SRBD1: variants seen among roughly 807,000 people sequenced by gnomAD.
SRBD1 encodes the protein S1 RNA-binding domain-containing protein 1.
Under a neutral mutation model 115.3 loss-of-function variants are expected in SRBD1, and 88 were observed. That is an observed-to-expected ratio of 0.76 (90% confidence interval 0.64 to 0.91). The LOEUF (loss-of-function observed/expected upper bound fraction) is 0.91. Among genes scored for constraint, SRBD1 ranks in the 40% least tolerant of loss-of-function variants. The pLI is 0.00. For synonymous variants in SRBD1, 509 were observed against 407.7 expected (o/e 1.25, Z -2.99); for missense variants, 1,385 against 1,177.4 (o/e 1.18, Z -2.58).
At chr2:45,398,852 G>A (rs1033184229) in intron 19 of SRBD1, among the ~76,000 whole-genome samples, 1 of 152,030 alleles carries the variant, frequency 6.6e-6, no homozygotes, top group South Asian at 2.1e-4. Context: ...GCTTTATACT[G>A]TGTAATTATC....
At chr2:45,458,179 G>A (rs1464134797) in intron 16 of SRBD1, among the ~76,000 whole-genome samples, 3 of 152,026 alleles carry the variant, frequency 2.0e-5, no homozygotes, top group Admixed American at 6.6e-5. Context: ...AGCTTTTAAG[G>A]GGATTTTTCT....
intron 15 of SRBD1, among the ~76,000 whole-genome samples, chr2:45,477,511 C>A (rs1558421373): frequency 6.6e-6 from 1 of 152,036 alleles, no homozygotes; most frequent in East Asian, 1.9e-4. Flanking sequence ...GAACTCGATC[C>A]CCCAAATAAT....
At chr2:45,596,988 T>C (rs1422989826) in intron 4 of SRBD1, among the ~76,000 whole-genome samples, 2 of 140,974 alleles carry the variant, frequency 1.4e-5, no homozygotes, top group African/African-American at 2.6e-5. Flanking sequence ...CCCACAACCC[T>C]CACACACACA....
chr2:45,517,302 G>GT (rs1446264931), intron 14 of SRBD1, among the ~76,000 whole-genome samples: 2 of 152,024 alleles, frequency 1.3e-5, no homozygotes, highest in Non-Finnish European at 2.9e-5. Flanking sequence ...CTCTGTTCCT[G>GT]TTTTTACGAC....
intron 18 of SRBD1, among the ~76,000 whole-genome samples, chr2:45,415,396 ATGTATATACACACATATAGTGTGTATATG>A (rs369129013): frequency 0.041 from 4,037 of 98,726 alleles, 320 homozygotes; most frequent in African/African-American, 0.098. Flanking sequence ...TGTATATAGT[ATGTATATACACACATATAGTGTGTATATG>A]TGTATATACA....
rs1039597580 is a variant in SRBD1, at chr2:45,393,192, T to C, written c.2514-63A>G. The C allele has an allele frequency of 7.5e-6, 11 of 1,468,642 alleles. No individual in the cohort carries two copies. In the African/African-American group the frequency reaches 1.1e-4, roughly 15 times the overall value. 91.0% of individuals were successfully genotyped at this position (1,468,642 alleles called of 1,614,324 possible). On this transcript the variant is annotated intron_variant, in intron 19 of 20. Coordinates refer to ENST00000263736, the MANE Select transcript of SRBD1 (RefSeq NM_018079.5). The stretch of plus-strand genomic sequence containing the variant: ...TATTACTCCTTTTGCAATCTCCTTA[T>C]ACAGATCACCCTAAAATTCATTCAT...
In SRBD1 at chr2:45,389,369, C is replaced by T. The variant is rs1228399237; in HGVS notation, c.2929G>A (p.Val977Ile). 4 of 1,614,066 alleles carry T rather than the reference C, an allele frequency of 2.5e-6. No homozygotes were observed. In the Admixed American group the frequency reaches 6.7e-5, roughly 27 times the overall value. The change falls in exon 21 of 21, where the codon GTA becomes ATA. Residue 977 changes from valine (V) to isoleucine (I), a missense_variant. By Grantham distance (29) the Val-to-Ile change is conservative (BLOSUM62 3). Transcript: ENST00000263736. ...LGPGERVEVQVLNIDIPRSRI... is the reference protein window; with the variant it reads ...LGPGERVEVQILNIDIPRSRI... ...GATCGGGGGATGTCAATGTTGAGTA[C>T]TTGGACTTCCACTCTTTCTCCGGGG...
At chr2:45,477,158 G>A (rs1669828470) in intron 15 of SRBD1, 83 bp from the exon 16 acceptor site, 8 of 1,113,068 alleles carry the variant, frequency 7.2e-6, no homozygotes, top group Admixed American at 3.8e-5. Flanking sequence ...TTCTCATAAT[G>A]TAAGTACTTA....
chr2:45,450,007 G>A (rs1332750456), intron 16 of SRBD1, among the ~76,000 whole-genome samples: 1 of 152,092 alleles, frequency 6.6e-6, no homozygotes, highest in Non-Finnish European at 1.5e-5. Flanking sequence ...AGGGTTAATG[G>A]CTCCATATAA....
chr2:45,486,042 CAGCTAGACTTTGAAATTAG>C (rs1572692365), intron 15 of SRBD1, among the ~76,000 whole-genome samples: 2 of 152,312 alleles, frequency 1.3e-5, no homozygotes, highest in East Asian at 1.9e-4. Flanking sequence ...ACTGATGACA[CAGCTAGACTTTGAAATTAG>C]AGTAATTAGA....
chr2:45,571,352 G>GGA (rs1673002353), intron 9 of SRBD1, among the ~76,000 whole-genome samples: 2 of 151,554 alleles, frequency 1.3e-5, no homozygotes, highest in South Asian at 4.2e-4. Context: ...AGCTAACAAG[G>GGA]GAGACCTCAG....
intron 9 of SRBD1, among the ~76,000 whole-genome samples, chr2:45,568,209 G>A (rs115290704): frequency 1.1e-3 from 174 of 152,156 alleles, no homozygotes; most frequent in African/African-American, 4.0e-3. Context: ...TCACACTAAG[G>A]ACCAATTTGA....
At position 45,588,421 on chromosome 2, in the gene SRBD1, T is replaced by C. The variant is rs973872656; in HGVS notation, c.649-2647A>G. 9.8e-5 allele frequency among the ~76,000 whole-genome samples: 15 copies of C among 152,332 alleles called. 1 individual carries two copies. In the Middle Eastern group the frequency reaches 0.017, roughly 173 times the overall value. ...TTAGAAATACTCCTGTTGCTTGTTA[T>C]CTTCCCTGACCCTCACAAAATCAAC... On this transcript the variant is annotated intron_variant, in intron 4 of 20. Coordinates refer to ENST00000263736, the MANE Select transcript of SRBD1 (RefSeq NM_018079.5).
intron 4 of SRBD1, among the ~76,000 whole-genome samples, chr2:45,586,522 T>A (rs2104201453): frequency 1.3e-5 from 2 of 152,270 alleles, no homozygotes; most frequent in South Asian, 2.1e-4. Flanking sequence ...AAATACAACA[T>A]CTTCAAGCTA....
intron 14 of SRBD1, among the ~76,000 whole-genome samples, chr2:45,536,650 C>T (rs1231580510): frequency 6.6e-6 from 1 of 151,946 alleles, no homozygotes; most frequent in Non-Finnish European, 1.5e-5. Flanking sequence ...AACTTTTTTC[C>T]AAGGAATATG....
chr2:45,504,805 T>A (rs945982474), intron 14 of SRBD1, among the ~76,000 whole-genome samples: 4 of 152,128 alleles, frequency 2.6e-5, no homozygotes, highest in Non-Finnish European at 5.9e-5. Flanking sequence ...CCTGGCCCTT[T>A]TAGATTTGAT....
intron 16 of SRBD1, among the ~76,000 whole-genome samples, chr2:45,473,425 A>C (rs1264881251): frequency 5.3e-5 from 8 of 152,152 alleles, no homozygotes; most frequent in Non-Finnish European, 1.0e-4. Context: ...CTGTGTGTAC[A>C]TGTTTCCCAT....
intron 6 of SRBD1, among the ~76,000 whole-genome samples, chr2:45,580,676 CTTTTTTTT>C (rs369067711): frequency 2.6e-5 from 2 of 76,350 alleles, no homozygotes; most frequent in African/African-American, 1.3e-4. Flanking sequence ...TCTTCTACTT[CTTTTTTTT>C]TTTTTTTTTT....
At chr2:45,565,989 G>A (rs148107782) in intron 9 of SRBD1, among the ~76,000 whole-genome samples, 1 of 152,148 alleles carries the variant, frequency 6.6e-6, no homozygotes, top group Non-Finnish European at 1.5e-5. Context: ...ATATACAAAT[G>A]ACTGATAAGT....
Sources: allele counts gnomAD v4.1 joint callset (sites outside exome capture counted in the v4.1 genomes callset), GRCh38; gene constraint gnomAD v4.1.1; transcripts MANE v1.5; gene names NCBI Gene and HGNC (gene_info 2026-07-23, HGNC 2026-07-21).